NDUFA10: variants seen among roughly 807,000 people sequenced by gnomAD.
NDUFA10 encodes NADH:ubiquinone oxidoreductase subunit A10.
In NDUFA10, 40 loss-of-function variants were observed where a neutral mutation model predicts 47.8. That is an observed-to-expected ratio of 0.84 (90% CI 0.65 to 1.09). The LOEUF is 1.09. Ranked by LOEUF, NDUFA10 falls within the 50% of genes least tolerant of loss-of-function variation. The pLI, the probability that NDUFA10 is intolerant of heterozygous loss-of-function variation, is 0.00. For missense variants in NDUFA10, 413 were observed against 451.1 expected (o/e 0.92, Z 0.76); for synonymous variants, 183 against 172.2 (o/e 1.06, Z -0.49).
intron 5 of NDUFA10, chr2:240,013,008 T>C (rs751158547): frequency 1.3e-5 from 2 of 152,218 alleles, no homozygotes; most frequent in Non-Finnish European, 2.9e-5. Flanking sequence ...ATGTGCCAAG[T>C]AGAATAAGAT....
Position 240,022,294 on chromosome 2 carries a change from C to T in NDUFA10, c.122G>A (p.Trp41Ter). The change falls in exon 2 of 10, where the codon TGG (tryptophan) becomes TAG (stop). Residue 41 changes from tryptophan (W) to a stop codon, truncating the protein, a stop_gained. Coordinates refer to ENST00000252711, the MANE Select transcript of NDUFA10 (RefSeq NM_004544.4). LOFTEE classifies it high-confidence loss of function. ...SVQCKLRYGM[W>*]HFLLGDKASK... ...TGCTTTATCCCCAAGTAGGAAATGCCACATTCCATAGCGCAGTTTGCACTG... is the reference window on the plus strand; with the variant it reads ...TGCTTTATCCCCAAGTAGGAAATGCTACATTCCATAGCGCAGTTTGCACTG... 1 of 1,614,062 alleles carries T rather than the reference C, an allele frequency of 6.2e-7. No individual in the cohort carries two copies. Among genetic ancestry groups the T allele is most frequent in the Non-Finnish European group, 8.5e-7 (1 of 1,180,016 alleles).
At chr2:239,963,568 TGAGA>T (rs757717653) in intron 9 of NDUFA10, among the ~76,000 whole-genome samples, 2 of 151,794 alleles carry the variant, frequency 1.3e-5, no homozygotes, top group Admixed American at 6.6e-5. Context: ...AAGGCCTGGG[TGAGA>T]GAGAGAAAGA....
chr2:239,921,544 GTCCATTTTACAGAGCGCTGATTGA>G (rs891234633), intron 4 of NDUFA10, among the ~76,000 whole-genome samples: 1 of 152,082 alleles, frequency 6.6e-6, no homozygotes, highest in Non-Finnish European at 1.5e-5. Flanking sequence ...GCAATGATTG[GTCCATTTTACAGAGCGCTGATTGA>G]TCCATTTTAC....
At position 239,914,862 on chromosome 2, in the gene NDUFA10, GACAT is replaced by G. The variant is rs1311161316; in HGVS notation, c.295-19552_295-19549del. Reference sequence around the variant, plus strand: ...ACAAATATACAGACACACACAGAGAGACATACAGAGATACTCACACAAACATACA... The same window carrying G: ...ACAAATATACAGACACACACAGAGAGACAGAGATACTCACACAAACATACA... On this transcript the variant is annotated intron_variant, in intron 4 of 5. Coordinates refer to the NDUFA10 transcript ENST00000419408. 6.6e-5 allele frequency among the ~76,000 whole-genome samples: 9 copies of G among 135,484 alleles called. 1 individual carries two copies. Among genetic ancestry groups the G allele is most frequent in the African/African-American group, 2.1e-4 (7 of 32,846 alleles). The allele number at this position is 135,484 out of a possible 152,430, so 88.9% of individuals were successfully genotyped here. A position where few individuals can be genotyped will look rare whatever the true frequency, so the allele number is the denominator to read the frequency against.
intron 4 of NDUFA10, among the ~76,000 whole-genome samples, chr2:239,916,034 A>C (rs988833303): frequency 8.6e-5 from 10 of 116,112 alleles, no homozygotes; most frequent in African/African-American, 3.7e-4. Context: ...AGACACACAG[A>C]GATACTCACA....
rs1481885567 is a variant in NDUFA10, at chr2:240,018,643, T to C, written c.461-4A>G. ...CGCTCCAACACAACACCTTGTCCTG[T>C]TTAAACATAGGCAAACAGAAATTGA... On this transcript the variant is annotated splice_polypyrimidine_tract_variant and splice_region_variant and intron_variant, in intron 3 of 9. Transcript: ENST00000252711. The C allele has an allele frequency of 6.2e-7, 1 of 1,614,100 alleles. No individual in the cohort carries two copies. The highest frequency in any genetic ancestry group is 2.2e-5 in the East Asian group (1 of 44,876).
chr2:239,960,602 G>A lies in NDUFA10; in HGVS notation c.*516C>T. On this transcript the variant is annotated 3_prime_UTR_variant, in exon 10 of 10. Transcript: ENST00000252711. ...GTAGCACATTACTAAAATAAATACA[G>A]TAGGCCTTTAGAAAAACTCTTCAGC... 9.8e-7 allele frequency: 1 copy of A among 1,022,484 alleles called. No homozygotes were observed. Among genetic ancestry groups the A allele is most frequent in the Non-Finnish European group, 1.2e-6 (1 of 849,926 alleles). The allele number at this position is 1,022,484 out of a possible 1,614,324, so 63.3% of individuals were successfully genotyped here. A position where few individuals can be genotyped will look rare whatever the true frequency, so the allele number is the denominator to read the frequency against.
At chr2:239,976,474 G>A (rs1050631825) in intron 9 of NDUFA10, 3 of 152,190 alleles carry the variant, frequency 2.0e-5, no homozygotes, top group Admixed American at 6.5e-5. Context: ...TGTGAGGTGC[G>A]AGTCTTGAGA....
intron 4 of NDUFA10, among the ~76,000 whole-genome samples, chr2:239,911,644 C>T (rs938641319): frequency 3.3e-5 from 5 of 150,608 alleles, no homozygotes; most frequent in Non-Finnish European, 5.9e-5. Context: ...CAAAGCCAGC[C>T]CAGCCCAGAC....
intron 4 of NDUFA10, chr2:240,017,993 C>A: frequency 2.8e-6 from 3 of 1,088,642 alleles, no homozygotes; most frequent in Non-Finnish European, 4.1e-6. Flanking sequence ...ACACCCCAAC[C>A]CCACCCTGAC....
chr2:239,921,830 G>A (rs10165634), intron 4 of NDUFA10, among the ~76,000 whole-genome samples: 20,087 of 151,978 alleles, frequency 0.13, 1,369 homozygotes, highest in South Asian at 0.15. Flanking sequence ...GGGTGGGGAC[G>A]GGACACTGCT....
intron 9 of NDUFA10, among the ~76,000 whole-genome samples, chr2:239,976,771 G>T (rs906242172): frequency 1.3e-5 from 2 of 152,170 alleles, no homozygotes; most frequent in Admixed American, 1.3e-4. Flanking sequence ...TCCACCATGC[G>T]GAGCCAGAAA....
intron 4 of NDUFA10, among the ~76,000 whole-genome samples, chr2:239,931,076 G>A (rs1374441901): frequency 6.6e-6 from 1 of 152,188 alleles, no homozygotes; most frequent in Non-Finnish European, 1.5e-5. Context: ...GCAGAGCAGT[G>A]ACTTGATTTG....
At chr2:239,933,183 G>C (rs1574788019) in intron 4 of NDUFA10, among the ~76,000 whole-genome samples, 1 of 152,288 alleles carries the variant, frequency 6.6e-6, no homozygotes, top group East Asian at 1.9e-4. Context: ...TGGATGCTGG[G>C]AGCCCTTGCC....
At chr2:239,982,898 GCTGT>G (rs1351455732) in intron 9 of NDUFA10, among the ~76,000 whole-genome samples, 1 of 152,224 alleles carries the variant, frequency 6.6e-6, no homozygotes, top group Non-Finnish European at 1.5e-5. Flanking sequence ...GCTAGCACAA[GCTGT>G]CTGTCGGGTG....
chr2:240,025,178 C>A, intron 1 of NDUFA10, 49 bp downstream of exon 1: 1 of 475,280 alleles, frequency 2.1e-6, no homozygotes, highest in Non-Finnish European at 3.2e-6. Flanking sequence ...CACCCCGCCA[C>A]CCCGCCACCC....
chr2:240,017,921 C>A (rs1206066702), intron 4 of NDUFA10: 1 of 1,552,726 alleles, frequency 6.4e-7, no homozygotes. Context: ...GATGAAAATG[C>A]CGTCAGTCAG....
Position 239,993,102 on chromosome 2 carries a change from G to A in NDUFA10, c.891-2920C>T, listed in dbSNP as rs186048948. 2.6e-3 allele frequency among the ~76,000 whole-genome samples: 395 copies of A among 152,222 alleles called. 1 individual carries two copies. Among genetic ancestry groups the A allele is most frequent in the Admixed American group, 7.1e-3 (109 of 15,288 alleles). On this transcript the variant is annotated intron_variant, in intron 8 of 9. Transcript: ENST00000252711. ...TCATAGTGAGCTAGATTAAAACAAC[G>A]GAATGCTATAATTGATACACTATGG...
Position 239,960,917 on chromosome 2 carries a change from A to G in NDUFA10, c.*201T>C, listed in dbSNP as rs1694828924. 14 of 1,473,816 alleles carry G rather than the reference A, an allele frequency of 9.5e-6. 1 individual carries two copies. The highest frequency in any genetic ancestry group is 1.3e-5 in the Non-Finnish European group (14 of 1,109,386). The allele number at this position is 1,473,816 out of a possible 1,614,324, so 91.3% of individuals were successfully genotyped here. On this transcript the variant is annotated 3_prime_UTR_variant, in exon 10 of 10. Transcript: ENST00000252711. ...CCAAAACAAAGCTAAAGGGTTCCAA[A>G]CATCCAGAATGGAAGCTGCTTCCCC...
Sources: allele counts gnomAD v4.1 joint callset (sites outside exome capture counted in the v4.1 genomes callset), GRCh38; gene constraint gnomAD v4.1.1; transcripts MANE v1.5; gene names NCBI Gene and HGNC (gene_info 2026-07-23, HGNC 2026-07-21).